The following EMSY variants were observed in gnomAD, a reference collection of about 807,000 sequenced individuals.
EMSY encodes the protein BRCA2-interacting transcriptional repressor EMSY.
In EMSY, 26 loss-of-function variants were observed where a neutral mutation model predicts 134.6. The ratio of observed to expected loss-of-function variants is 0.19; its 90% CI spans 0.14 to 0.27. The LOEUF is 0.27. Among genes scored for constraint, EMSY ranks in the 10% least tolerant of loss-of-function variants. The pLI is 1.00. For missense variants in EMSY, 1,305 were observed against 1,611.4 expected (o/e 0.81, Z 3.26); for synonymous variants, 579 against 577.8 (o/e 1.00, Z -0.03).
intron 7 of EMSY, among the ~76,000 whole-genome samples, chr11:76,472,034 A>T (rs971905928): frequency 2.9e-5 from 4 of 139,450 alleles, no homozygotes; most frequent in African/African-American, 7.7e-5. Flanking sequence ...CAGTGCTCCC[A>T]TCATTCTTTA....
intron 12 of EMSY, among the ~76,000 whole-genome samples, chr11:76,525,803 A>G (rs1160505871): frequency 6.6e-6 from 1 of 152,110 alleles, no homozygotes; most frequent in Non-Finnish European, 1.5e-5. Flanking sequence ...ATGTAACCTT[A>G]TATATTATTA....
chr11:76,537,431 T>C (rs1951263982), intron 15 of EMSY, among the ~76,000 whole-genome samples: 2 of 152,198 alleles, frequency 1.3e-5, no homozygotes, highest in African/African-American at 4.8e-5. Context: ...GTACTGCTTA[T>C]TCACCCTTTG....
chr11:76,546,026 T>G, exon 20 of EMSY: 1 of 1,614,182 alleles, frequency 6.2e-7, no homozygotes, highest in Non-Finnish European at 8.5e-7. Context: ...CATATGATAG[T>G]GGATCCCCCA....
rs368422540 is a variant in EMSY, at chr11:76,529,117, G to A, written c.2194+651G>A. On this transcript the variant is annotated intron_variant, in intron 14 of 20. Transcript: ENST00000334736. ...ATGTTACTCTTCTACGAAACCTCTT[G>A]AAATAAACTCATGATCATAAACTTT... 1.1e-4 allele frequency among the ~76,000 whole-genome samples: 16 copies of A among 152,258 alleles called. No individual in the cohort carries two copies. The East Asian group carries it at 2.5e-3, about 24-fold the overall frequency.
At chr11:76,472,058 C>T (rs571349156) in intron 7 of EMSY, among the ~76,000 whole-genome samples, 1 of 152,014 alleles carries the variant, frequency 6.6e-6, no homozygotes, top group Non-Finnish European at 1.5e-5. Flanking sequence ...TCCTACCATA[C>T]TTTTTTGTCT....
chr11:76,520,782 A>G (rs906849160), intron 11 of EMSY, among the ~76,000 whole-genome samples: 5 of 142,394 alleles, frequency 3.5e-5, no homozygotes, highest in African/African-American at 1.3e-4. Context: ...AAGTTTACAC[A>G]AACTTAGTGT....
At chr11:76,552,255 C>G (rs1450054951), downstream of EMSY, 1 of 152,112 alleles carries the variant, frequency 6.6e-6, no homozygotes, top group Non-Finnish European at 1.5e-5. Context: ...ACAGGAAATC[C>G]TATCCTTATG....
chr11:76,528,579 C>A (rs898857719), intron 14 of EMSY, 113 bp downstream of exon 15: 114 of 472,408 alleles, frequency 2.4e-4, no homozygotes, highest in Non-Finnish European at 3.3e-4. Flanking sequence ...TCTATCAATT[C>A]TTTTCCTTTT....
At chr11:76,496,766 C>T (rs1181488184) in intron 9 of EMSY, 1 of 394,684 alleles carries the variant, frequency 2.5e-6, no homozygotes, top group African/African-American at 2.1e-5. Context: ...TTGCTGAACT[C>T]ACTTGTTCTC....
exon 20 of EMSY, chr11:76,546,093 C>T (rs190526865): frequency 4.6e-5 from 75 of 1,614,168 alleles, no homozygotes; most frequent in Non-Finnish European, 5.9e-5. Context: ...TACCCTCCAC[C>T]CACATGGTGG....
chr11:76,540,499 T>C (rs1210234670), intron 17 of EMSY, among the ~76,000 whole-genome samples: 1 of 152,180 alleles, frequency 6.6e-6, no homozygotes, highest in Admixed American at 6.5e-5. Context: ...TACAGAACAT[T>C]TATAAAAGAA....
intron 9 of EMSY, among the ~76,000 whole-genome samples, chr11:76,503,951 A>ATT (rs1264721522): frequency 7.1e-6 from 1 of 141,556 alleles, no homozygotes; most frequent in Non-Finnish European, 1.6e-5. Flanking sequence ...CGCCCGGCTA[A>ATT]TTTTTTTTTT....
chr11:76,452,923 T>C (rs541740247), intron 3 of EMSY, among the ~76,000 whole-genome samples: 4 of 152,304 alleles, frequency 2.6e-5, no homozygotes, highest in African/African-American at 9.6e-5. Flanking sequence ...AAAACTTTCT[T>C]GTAAGTGACA....
At chr11:76,500,465 C>T (rs1949818598) in intron 9 of EMSY, among the ~76,000 whole-genome samples, 1 of 152,148 alleles carries the variant, frequency 6.6e-6, no homozygotes, top group Non-Finnish European at 1.5e-5. Context: ...AACATATAGT[C>T]TAGACTGCAG....
At chr11:76,507,748 C>T (rs950052593) in intron 9 of EMSY, among the ~76,000 whole-genome samples, 2 of 152,154 alleles carry the variant, frequency 1.3e-5, no homozygotes, top group African/African-American at 4.8e-5. Flanking sequence ...GTTCTGAATG[C>T]ATCTAGAACA....
exon 20 of EMSY, chr11:76,546,195 G>A (rs1951643799): frequency 6.2e-7 from 1 of 1,614,158 alleles, no homozygotes; most frequent in Non-Finnish European, 8.5e-7. Context: ...TAACGACAAG[G>A]AAAATTGATC....
intron 8 of EMSY, among the ~76,000 whole-genome samples, chr11:76,482,110 T>G (rs2135514369): frequency 6.6e-6 from 1 of 152,120 alleles, no homozygotes; most frequent in Non-Finnish European, 1.5e-5. Flanking sequence ...GCAAACAGGG[T>G]CTGGAGTGGA....
intron 4 of EMSY, among the ~76,000 whole-genome samples, chr11:76,455,627 G>T (rs757949170): frequency 6.6e-6 from 1 of 152,166 alleles, no homozygotes; most frequent in Non-Finnish European, 1.5e-5. Flanking sequence ...AAGCTGAGAA[G>T]ATTGAGCACA....
chr11:76,496,264 C>A (rs767326969), exon 9 of EMSY: 1 of 1,614,134 alleles, frequency 6.2e-7, no homozygotes, highest in Non-Finnish European at 8.5e-7. Context: ...TTCCTTCCCC[C>A]AAAAGCTTAG....
Sources: allele counts gnomAD v4.1 joint callset (sites outside exome capture counted in the v4.1 genomes callset), GRCh38; gene constraint gnomAD v4.1.1; transcripts MANE v1.5; gene names NCBI Gene and HGNC (gene_info 2026-07-23, HGNC 2026-07-21).